Variants in RBFOX1 observed in about 807,000 individuals in gnomAD.
RBFOX1 encodes RNA binding protein fox-1 homolog 1.
A neutral mutation model predicts 57.7 loss-of-function variants in RBFOX1; 8 were observed. The ratio of observed to expected loss-of-function variants is 0.14; its 90% CI spans 0.08 to 0.25. RBFOX1 has a LOEUF of 0.25. Among genes scored for constraint, RBFOX1 ranks in the 10% least tolerant of loss-of-function variants. The probability of loss-of-function intolerance (pLI) is 1.00; values close to 1 mark genes in which losing one functional copy is unlikely to be tolerated. For synonymous variants in RBFOX1, 326 were observed against 222.4 expected (o/e 1.47, Z -4.15); for missense variants, 611 against 548.5 (o/e 1.11, Z -1.14).
chr16:5,973,889 CGTAGG>C (rs1555459828), intron 4 of RBFOX1, among the ~76,000 whole-genome samples: 1 of 152,148 alleles, frequency 6.6e-6, no homozygotes, highest in Non-Finnish European at 1.5e-5. Context: ...AACTTCACTT[CGTAGG>C]GCTCAGAAAA....
At chr16:7,607,983 A>C (rs544476082) in intron 10 of RBFOX1, among the ~76,000 whole-genome samples, 4 of 152,268 alleles carry the variant, frequency 2.6e-5, no homozygotes, top group South Asian at 2.1e-4. Flanking sequence ...CATAACCCAG[A>C]AGCAGTAGTG....
chr16:6,616,384 T>C (rs2098141103), intron 2 of RBFOX1, among the ~76,000 whole-genome samples: 1 of 151,966 alleles, frequency 6.6e-6, no homozygotes, highest in African/African-American at 2.4e-5. Context: ...ATGTTTGGTT[T>C]TTTTTTTTTT....
intron 1 of RBFOX1, among the ~76,000 whole-genome samples, chr16:6,021,634 T>C (rs1259752030): frequency 6.6e-6 from 1 of 152,122 alleles, no homozygotes; most frequent in Non-Finnish European, 1.5e-5. Context: ...TGCCTCGGGT[T>C]AGGAAGAAAA....
At chr16:5,665,269 G>C (rs1050081124) in intron 3 of RBFOX1, among the ~76,000 whole-genome samples, 1 of 152,048 alleles carries the variant, frequency 6.6e-6, no homozygotes, top group African/African-American at 2.4e-5. Flanking sequence ...TTCTGTCTCA[G>C]AGCCTTTGCA....
Position 7,036,216 on chromosome 16 carries a change from C to T in RBFOX1, c.-15-15841C>T, listed in dbSNP as rs1220162052. Among the ~76,000 whole-genome samples, 24 of 131,116 alleles carry T rather than the reference C, an allele frequency of 1.8e-4. No individual in the cohort carries two copies. In the East Asian group the frequency reaches 4.8e-3, roughly 26 times the overall value. The allele number at this position is 131,116 out of a possible 152,430, so 86.0% of individuals were successfully genotyped here. A position where few individuals can be genotyped will look rare whatever the true frequency, so the allele number is the denominator to read the frequency against. ...TTCACCTTGACATTTTTTTTTTTTT[C>T]CATGACAGCCTTGTAGTTGTTACAT... On this transcript the variant is annotated intron_variant, in intron 3 of 15. Transcript: ENST00000550418.
intron 4 of RBFOX1, among the ~76,000 whole-genome samples, chr16:5,885,751 C>G (rs1030148050): frequency 6.6e-6 from 1 of 152,154 alleles, no homozygotes; most frequent in African/African-American, 2.4e-5. Context: ...GATTTTCTTA[C>G]TTAGGCATTC....
intron 3 of RBFOX1, among the ~76,000 whole-genome samples, chr16:6,893,430 C>A (rs573539397): frequency 6.6e-6 from 1 of 152,302 alleles, no homozygotes; most frequent in Admixed American, 6.5e-5. Flanking sequence ...CTACCTCATT[C>A]ATCAAAAGAT....
chr16:5,385,137 C>G (rs1472968228), intron 1 of RBFOX1, among the ~76,000 whole-genome samples: 1 of 152,140 alleles, frequency 6.6e-6, no homozygotes, highest in Non-Finnish European at 1.5e-5. Context: ...ATGTGCTTAC[C>G]AGGGGCCAGG....
intron 2 of RBFOX1, among the ~76,000 whole-genome samples, chr16:6,447,455 G>T (rs1006774318): frequency 6.6e-6 from 1 of 152,172 alleles, no homozygotes; most frequent in African/African-American, 2.4e-5. Flanking sequence ...TAAGTGGACT[G>T]ATATTACATT....
chr16:5,318,453 G>A (rs757566850), intron 1 of RBFOX1, among the ~76,000 whole-genome samples: 55 of 152,150 alleles, frequency 3.6e-4, no homozygotes, highest in Non-Finnish European at 4.4e-5. Flanking sequence ...TAATCCAGCC[G>A]TTACCCATGA....
intron 4 of RBFOX1, among the ~76,000 whole-genome samples, chr16:7,178,648 G>A (rs2082118403): frequency 6.6e-6 from 1 of 152,068 alleles, no homozygotes; most frequent in Non-Finnish European, 1.5e-5. Flanking sequence ...CTTTAGACCT[G>A]GGGTCAGGCA....
chr16:7,509,917 T>C (rs2074531030), intron 4 of RBFOX1, among the ~76,000 whole-genome samples: 2 of 151,946 alleles, frequency 1.3e-5, no homozygotes, highest in South Asian at 2.1e-4. Flanking sequence ...ATGCATAGAA[T>C]CGCATTTCTA....
chr16:6,820,176 TCTC>T (rs1214665376), intron 3 of RBFOX1, among the ~76,000 whole-genome samples: 1 of 152,178 alleles, frequency 6.6e-6, no homozygotes, highest in Admixed American at 6.5e-5. Flanking sequence ...TACCTTTGCT[TCTC>T]CTTCACCTTC....
chr16:5,783,720 TC>T (rs2054401767), intron 3 of RBFOX1, among the ~76,000 whole-genome samples: 1 of 152,210 alleles, frequency 6.6e-6, no homozygotes, highest in South Asian at 2.1e-4. Context: ...TGTCTAAAAT[TC>T]CAGCCTGCTG....
intron 4 of RBFOX1, among the ~76,000 whole-genome samples, chr16:7,206,524 A>T (rs2090011226): frequency 6.6e-6 from 1 of 152,008 alleles, no homozygotes; most frequent in African/African-American, 2.4e-5. Flanking sequence ...AGACACTTGC[A>T]AGCTCTCAAA....
At chr16:6,294,433 T>C (rs2077838561) in intron 1 of RBFOX1, among the ~76,000 whole-genome samples, 1 of 152,216 alleles carries the variant, frequency 6.6e-6, no homozygotes, top group Non-Finnish European at 1.5e-5. Flanking sequence ...CAGTGAGTGG[T>C]TCACATATTT....
At chr16:5,928,625 C>G (rs931474215) in intron 4 of RBFOX1, among the ~76,000 whole-genome samples, 4 of 151,438 alleles carry the variant, frequency 2.6e-5, no homozygotes, top group Admixed American at 6.6e-5. Flanking sequence ...CTGTCAGATT[C>G]TGGCCCTGTA....
At chr16:6,560,911 A>C (rs545881023) in intron 2 of RBFOX1, among the ~76,000 whole-genome samples, 2 of 152,320 alleles carry the variant, frequency 1.3e-5, no homozygotes, top group East Asian at 3.9e-4. Context: ...AATGCAGGCC[A>C]CATCAAGATG....
At chr16:5,497,522 C>T (rs1464046785) in intron 2 of RBFOX1, among the ~76,000 whole-genome samples, 2 of 151,730 alleles carry the variant, frequency 1.3e-5, no homozygotes, top group African/African-American at 2.4e-5. Flanking sequence ...TGTCTCTAAT[C>T]CCAGCACTTT....
Sources: allele counts gnomAD v4.1 joint callset (sites outside exome capture counted in the v4.1 genomes callset), GRCh38; gene constraint gnomAD v4.1.1; transcripts MANE v1.5; gene names NCBI Gene and HGNC (gene_info 2026-07-23, HGNC 2026-07-21).